The following PTPRT variants were observed in gnomAD, a reference collection of about 807,000 sequenced individuals.
PTPRT encodes receptor-type tyrosine-protein phosphatase T.
Under a neutral mutation model 176.8 loss-of-function variants are expected in PTPRT, and 56 were observed. That is an observed-to-expected ratio of 0.32 (90% CI 0.26 to 0.40). The LOEUF is 0.40. Among genes scored for constraint, PTPRT ranks in the 10% least tolerant of loss-of-function variants. PTPRT has a pLI of 1.00. For missense variants in PTPRT, 1,540 were observed against 1,908.2 expected (o/e 0.81, Z 3.60); for synonymous variants, 783 against 739.0 (o/e 1.06, Z -0.96).
chr20:42,293,131 G>C (rs921534785), intron 12 of PTPRT, among the ~76,000 whole-genome samples: 1 of 152,188 alleles, frequency 6.6e-6, no homozygotes, highest in African/African-American at 2.4e-5. Flanking sequence ...CATACTCTAA[G>C]AAAGGAAGCC....
At position 42,072,904 on chromosome 20, in the gene PTPRT, CA is replaced by C; in HGVS notation, c.*7974del. On this transcript the variant is annotated 3_prime_UTR_variant, in exon 31 of 31. Coordinates refer to ENST00000373187, the MANE Select transcript of PTPRT (RefSeq NM_007050.6). The stretch of plus-strand genomic sequence containing the variant: ...ATTACACTTCACTGTAATGTACAGT[CA>C]AAAAATATATCTGATATTCATTGAC... 1 of 222,368 alleles carries C rather than the reference CA, an allele frequency of 4.5e-6. No individual in the cohort carries two copies. The highest frequency in any genetic ancestry group is 9.0e-6 in the Non-Finnish European group (1 of 110,974). The allele number at this position is 222,368 out of a possible 1,614,324, so 13.8% of individuals were successfully genotyped here.
At chr20:42,099,291 T>C (rs966734302) in intron 26 of PTPRT, among the ~76,000 whole-genome samples, 1 of 152,090 alleles carries the variant, frequency 6.6e-6, no homozygotes, top group African/African-American at 2.4e-5. Context: ...GTTCTTCACC[T>C]GGAAAACGGA....
intron 16 of PTPRT, among the ~76,000 whole-genome samples, chr20:42,175,367 C>A (rs117225218): frequency 6.6e-6 from 1 of 152,126 alleles, no homozygotes; most frequent in Non-Finnish European, 1.5e-5. Context: ...CTGTACAGGA[C>A]GTGCTATTCT....
chr20:42,562,680 A>G (rs1280960731), intron 7 of PTPRT, among the ~76,000 whole-genome samples: 2 of 152,176 alleles, frequency 1.3e-5, no homozygotes, highest in Non-Finnish European at 2.9e-5. Flanking sequence ...CCTCATCAGC[A>G]CATTTTGATG....
At chr20:42,357,871 G>A (rs4810354) in intron 9 of PTPRT, among the ~76,000 whole-genome samples, 114,142 of 152,068 alleles carry the variant, frequency 0.75, 42,964 homozygotes, top group East Asian at 0.86. Flanking sequence ...CCACAATCGC[G>A]GCACAGCATT....
intron 1 of PTPRT, among the ~76,000 whole-genome samples, chr20:43,171,970 C>T (rs547355458): frequency 2.0e-5 from 3 of 152,186 alleles, no homozygotes; most frequent in Non-Finnish European, 4.4e-5. Flanking sequence ...GAGTCGAGGT[C>T]ATGTAGCCTC....
At chr20:42,800,530 A>C (rs1172593204) in intron 2 of PTPRT, among the ~76,000 whole-genome samples, 1 of 152,198 alleles carries the variant, frequency 6.6e-6, no homozygotes, top group Admixed American at 6.5e-5. Flanking sequence ...TGCAGCTCTA[A>C]ATGGAAATGA....
At chr20:42,794,808 G>A (rs1312509804) in intron 2 of PTPRT, among the ~76,000 whole-genome samples, 1 of 144,490 alleles carries the variant, frequency 6.9e-6, no homozygotes, top group African/African-American at 2.6e-5. Flanking sequence ...ATTTGAAATA[G>A]AATAGCCTAG....
intron 8 of PTPRT, among the ~76,000 whole-genome samples, chr20:42,450,290 T>C (rs1463320701): frequency 6.6e-6 from 1 of 152,252 alleles, no homozygotes; most frequent in East Asian, 1.9e-4. Flanking sequence ...ATTTTATTTT[T>C]AAGGCTTTTG....
intron 1 of PTPRT, among the ~76,000 whole-genome samples, chr20:43,132,234 C>T (rs2013667008): frequency 6.6e-6 from 1 of 151,778 alleles, no homozygotes; most frequent in Admixed American, 6.6e-5. Context: ...CATGTAGATC[C>T]TTGTATATTT....
intron 2 of PTPRT, among the ~76,000 whole-genome samples, chr20:42,849,701 A>G (rs948695866): frequency 6.6e-6 from 1 of 152,144 alleles, no homozygotes; most frequent in Admixed American, 6.5e-5. Flanking sequence ...TCCTCCTCTG[A>G]ATCTTTCAGA....
rs548084139 is a variant in PTPRT, at chr20:42,500,348, C to T, written c.1154-27786G>A. On this transcript the variant is annotated intron_variant, in intron 7 of 30. Transcript: ENST00000373187. ...ACTACCCCCATCAGCAAGGTAAATG[C>T]TATTTTAATATTTTTGAATTAAATT... Among the ~76,000 whole-genome samples the T allele has an allele frequency of 4.6e-5, 7 of 151,818 alleles. No homozygotes were observed. In the South Asian group the frequency reaches 1.3e-3, roughly 27 times the overall value.
intron 2 of PTPRT, among the ~76,000 whole-genome samples, chr20:42,800,131 G>T (rs1260042119): frequency 6.6e-6 from 1 of 152,156 alleles, no homozygotes; most frequent in Non-Finnish European, 1.5e-5. Context: ...ACCCTATGAG[G>T]TAGTGACTAC....
intron 7 of PTPRT, among the ~76,000 whole-genome samples, chr20:42,494,456 GAGTAA>G (rs565445690): frequency 6.6e-6 from 1 of 152,108 alleles, no homozygotes; most frequent in Non-Finnish European, 1.5e-5. Context: ...GAAATACACA[GAGTAA>G]AGAAACCTCT....
intron 6 of PTPRT, among the ~76,000 whole-genome samples, chr20:42,706,175 CTGTTTGTGTGTG>C (rs1230057288): frequency 4.5e-4 from 49 of 109,322 alleles, no homozygotes; most frequent in African/African-American, 2.6e-3. Flanking sequence ...CTCTCTCTCT[CTGTTTGTGTGTG>C]TGTGTGTGTG....
chr20:42,312,062 T>C (rs2057641437), intron 12 of PTPRT, among the ~76,000 whole-genome samples: 1 of 152,244 alleles, frequency 6.6e-6, no homozygotes. Flanking sequence ...CTTAAGTAGT[T>C]ACATTTTACA....
intron 16 of PTPRT, among the ~76,000 whole-genome samples, chr20:42,188,136 CT>C (rs1600651713): frequency 6.6e-6 from 1 of 152,232 alleles, no homozygotes; most frequent in East Asian, 1.9e-4. Context: ...TCCCCCTCTT[CT>C]GCTTCAAATC....
intron 7 of PTPRT, among the ~76,000 whole-genome samples, chr20:42,487,994 AG>A (rs1484902609): frequency 6.6e-6 from 1 of 152,186 alleles, no homozygotes; most frequent in Non-Finnish European, 1.5e-5. Flanking sequence ...TTAATTATGT[AG>A]ATTGGAATGT....
chr20:42,302,934 A>T (rs1397827187), intron 12 of PTPRT, among the ~76,000 whole-genome samples: 1 of 152,148 alleles, frequency 6.6e-6, no homozygotes, highest in Non-Finnish European at 1.5e-5. Flanking sequence ...GAAAGAAGAG[A>T]ACTGGACAAT....
Sources: gnomAD v4.1 joint callset for allele counts (sites outside exome capture counted in the v4.1 genomes callset) on GRCh38, gnomAD v4.1.1 for gene constraint, MANE v1.5 for transcripts, NCBI Gene and HGNC (gene_info 2026-07-23, HGNC 2026-07-21) for gene names.